Variants in PRDM11 observed in about 807,000 individuals in gnomAD.
The protein encoded by PRDM11 is PR domain-containing protein 11.
Under a neutral mutation model 97.8 loss-of-function variants are expected in PRDM11, and 20 were observed. That is an observed-to-expected ratio of 0.20 (90% CI 0.14 to 0.30). The LOEUF (loss-of-function observed/expected upper bound fraction) is 0.30. Among genes scored for constraint, PRDM11 ranks in the 10% least tolerant of loss-of-function variants. The probability of loss-of-function intolerance (pLI) is 1.00; values close to 1 mark genes in which losing one functional copy is unlikely to be tolerated. For missense variants in PRDM11, 1,139 were observed against 1,555.2 expected (o/e 0.73, Z 4.50); for synonymous variants, 599 against 637.7 (o/e 0.94, Z 0.91).
intron 5 of PRDM11, among the ~76,000 whole-genome samples, chr11:45,205,022 A>C (rs1184603104): frequency 6.6e-6 from 1 of 152,160 alleles, no homozygotes; most frequent in East Asian, 1.9e-4. Context: ...CTCACTTGCC[A>C]GTGTGTCTGG....
chr11:45,145,730 A>T (rs1421845110), upstream of PRDM11, among the ~76,000 whole-genome samples: 1 of 152,076 alleles, frequency 6.6e-6, no homozygotes, highest in African/African-American at 2.4e-5. Context: ...TTGATTGGGG[A>T]ATGGTTGTCC....
chr11:45,231,963 G>T lies in PRDM11; in HGVS notation c.*3804G>T, dbSNP rs1013994143. ...GGCTCAAGTTCCAGGGTCCCTGGAT[G>T]GCAAGGTTCAGTGCTGGGCCCTGGA... On this transcript the variant is annotated 3_prime_UTR_variant, in exon 8 of 8. Transcript: ENST00000683152. The T allele has an allele frequency of 2.0e-5, 3 of 152,102 alleles. No homozygotes were observed. The highest frequency in any genetic ancestry group is 2.9e-5 in the Non-Finnish European group (2 of 68,030). The allele number at this position is 152,102 out of a possible 1,614,324, so 9.4% of individuals were successfully genotyped here. A position where few individuals can be genotyped will look rare whatever the true frequency, so the allele number is the denominator to read the frequency against.
intron 1 of PRDM11, among the ~76,000 whole-genome samples, chr11:45,127,007 C>T (rs1565242164): frequency 1.3e-5 from 2 of 152,198 alleles, no homozygotes; most frequent in Admixed American, 1.3e-4. Flanking sequence ...TTCACATAGT[C>T]CCATATTTCT....
At chr11:45,144,012 ACCACTTTCTGC>A (rs1382306046), upstream of PRDM11, among the ~76,000 whole-genome samples, 1 of 152,102 alleles carries the variant, frequency 6.6e-6, no homozygotes, top group Non-Finnish European at 1.5e-5. Flanking sequence ...AGGGTCTGGG[ACCACTTTCTGC>A]CCACTTTCTG....
intron 1 of PRDM11, among the ~76,000 whole-genome samples, chr11:45,116,857 G>T (rs964446980): frequency 4.0e-5 from 6 of 151,858 alleles, no homozygotes; most frequent in Non-Finnish European, 7.4e-5. Flanking sequence ...GTAGGGAAAG[G>T]CTCAAATGCA....
intron 4 of PRDM11, among the ~76,000 whole-genome samples, chr11:45,201,956 A>T (rs1853344975): frequency 6.6e-6 from 1 of 151,774 alleles, no homozygotes; most frequent in Non-Finnish European, 1.5e-5. Flanking sequence ...TGGGTGATGG[A>T]GCGAGACTCT....
At chr11:45,206,077 C>T (rs1853499301) in intron 5 of PRDM11, among the ~76,000 whole-genome samples, 1 of 152,198 alleles carries the variant, frequency 6.6e-6, no homozygotes, top group South Asian at 2.1e-4. Flanking sequence ...CTTCTCTTCT[C>T]ACTGCCACGG....
chr11:45,225,563 G>T (rs187956026), intron 7 of PRDM11, among the ~76,000 whole-genome samples: 5 of 152,114 alleles, frequency 3.3e-5, no homozygotes, highest in African/African-American at 1.2e-4. Flanking sequence ...AAATCACTTG[G>T]GGCCATATCC....
intron 1 of PRDM11, among the ~76,000 whole-genome samples, chr11:45,129,926 A>G (rs1396161975): frequency 2.0e-5 from 3 of 152,184 alleles, no homozygotes; most frequent in Admixed American, 6.5e-5. Context: ...TGGTGCAAAG[A>G]CAGATAAATA....
chr11:45,210,362 C>T (rs1376642377), intron 5 of PRDM11, among the ~76,000 whole-genome samples: 2 of 152,218 alleles, frequency 1.3e-5, no homozygotes, highest in African/African-American at 2.4e-5. Flanking sequence ...GCGGCCGAGG[C>T]GGGTGTCCCT....
intron 6 of PRDM11, among the ~76,000 whole-genome samples, chr11:45,224,014 G>A (rs1854190827): frequency 6.6e-6 from 1 of 152,152 alleles, no homozygotes; most frequent in African/African-American, 2.4e-5. Context: ...TTTCTAAAAG[G>A]TCTTTCCACC....
chr11:45,214,893 A>G (rs1172476972), intron 5 of PRDM11, among the ~76,000 whole-genome samples: 1 of 152,172 alleles, frequency 6.6e-6, no homozygotes, highest in Non-Finnish European at 1.5e-5. Flanking sequence ...TGATTCTATA[A>G]ACTGCCAGAT....
chr11:45,172,790 C>A (rs1403575768), intron 1 of PRDM11, among the ~76,000 whole-genome samples: 1 of 152,116 alleles, frequency 6.6e-6, no homozygotes, highest in Non-Finnish European at 1.5e-5. Flanking sequence ...TATTTTATAT[C>A]CAGGACTTGA....
chr11:45,203,363 A>G (rs1853396244), intron 4 of PRDM11, among the ~76,000 whole-genome samples: 1 of 152,022 alleles, frequency 6.6e-6, no homozygotes, highest in Non-Finnish European at 1.5e-5. Flanking sequence ...AAAAGGGTGG[A>G]CCTGAAAAAA....
chr11:45,211,134 G>A (rs895732181), intron 5 of PRDM11, among the ~76,000 whole-genome samples: 5 of 152,194 alleles, frequency 3.3e-5, no homozygotes, highest in Admixed American at 3.3e-4. Context: ...GGAAGGAGCA[G>A]CATCACCTCG....
chr11:45,182,182 C>A, intron 2 of PRDM11, 64 bp from the exon 3 acceptor site: 1 of 1,443,292 alleles, frequency 6.9e-7, no homozygotes, highest in Non-Finnish European at 9.6e-7. Flanking sequence ...CAGCTTTTGT[C>A]CCCACTGGGC....
intron 5 of PRDM11, among the ~76,000 whole-genome samples, chr11:45,210,211 C>A (rs563545528): frequency 2.5e-4 from 38 of 152,350 alleles, no homozygotes; most frequent in African/African-American, 8.4e-4. Flanking sequence ...CCCCACTTTT[C>A]TGTGTGCTGC....
chr11:45,103,331 CTG>C (rs557135243), intron 1 of PRDM11, among the ~76,000 whole-genome samples: 44 of 151,974 alleles, frequency 2.9e-4, no homozygotes, highest in African/African-American at 9.9e-4. Context: ...AATGGGGGGA[CTG>C]GTGAAGGAGG....
chr11:45,138,957 T>G (rs904236235), intron 1 of PRDM11, among the ~76,000 whole-genome samples: 3 of 152,228 alleles, frequency 2.0e-5, no homozygotes, highest in African/African-American at 7.2e-5. Flanking sequence ...CTATCCTTAA[T>G]ATGTAAACTA....
Sources: allele counts gnomAD v4.1 joint callset (sites outside exome capture counted in the v4.1 genomes callset), GRCh38; gene constraint gnomAD v4.1.1; transcripts MANE v1.5; gene names NCBI Gene and HGNC (gene_info 2026-07-23, HGNC 2026-07-21).